The following BCAR3 variants were observed in gnomAD, a reference collection of about 807,000 sequenced individuals.
BCAR3 encodes the protein BCAR3 adaptor protein, NSP family member, also known as breast cancer anti-estrogen resistance protein 3.
In BCAR3, 37 loss-of-function variants were observed where a neutral mutation model predicts 80.1. That is an observed-to-expected ratio of 0.46 (90% CI 0.36 to 0.61). The LOEUF is 0.61. BCAR3 is among the 20% of genes least tolerant of loss of function. The pLI, the probability that BCAR3 is intolerant of heterozygous loss-of-function variation, is 0.00. For missense variants in BCAR3, 978 were observed against 1,068.2 expected (o/e 0.92, Z 1.18); for synonymous variants, 389 against 418.9 (o/e 0.93, Z 0.87).
At chr1:93,833,894 T>C (rs947168719) in intron 2 of BCAR3, among the ~76,000 whole-genome samples, 4 of 152,188 alleles carry the variant, frequency 2.6e-5, no homozygotes, top group Non-Finnish European at 5.9e-5. Flanking sequence ...AAGACAGGCA[T>C]AGGACATTAT....
rs1252038441 is a variant in BCAR3 at position 93,567,776 on chromosome 1, G to A, written c.2050C>T (p.Leu684=). Residue 684 remains leucine, a synonymous_variant, in exon 10 of 12, where the codon CTG becomes TTG. Coordinates refer to ENST00000260502, the MANE Select transcript of BCAR3 (RefSeq NM_003567.4). ...TQTAILYEKQ[L]KPFSKLLHEG... ...TGCAGGAGTTTGCTGAAGGGCTTCA[G>A]CTGTTTCTCATAGAGAATGGCAGTT... is the stretch of plus-strand genomic sequence containing the variant. 3.3e-5 allele frequency: 53 copies of A among 1,614,100 alleles called. No individual in the cohort carries two copies. Among genetic ancestry groups the A allele is most frequent in the Non-Finnish European group, 4.2e-5 (49 of 1,180,036 alleles).
At chr1:93,765,499 T>C (rs1466644988) in intron 2 of BCAR3, among the ~76,000 whole-genome samples, 1 of 152,142 alleles carries the variant, frequency 6.6e-6, no homozygotes, top group Non-Finnish European at 1.5e-5. Context: ...AAACTGGACA[T>C]AGTTAATGTA....
intron 2 of BCAR3, among the ~76,000 whole-genome samples, chr1:93,658,877 T>C (rs1046990782): frequency 3.3e-5 from 5 of 152,128 alleles, no homozygotes; most frequent in African/African-American, 9.7e-5. Context: ...GCTGAACCTC[T>C]CTGTTTACCA....
chr1:93,666,871 A>G (rs980444075), intron 2 of BCAR3, among the ~76,000 whole-genome samples: 3 of 152,130 alleles, frequency 2.0e-5, no homozygotes, highest in African/African-American at 7.2e-5. Context: ...CATGTGAGAA[A>G]CTTTCTCCCA....
intron 2 of BCAR3, among the ~76,000 whole-genome samples, chr1:93,720,616 A>AGTCTTAAACTCCTT (rs1650359630): frequency 6.6e-6 from 1 of 152,192 alleles, no homozygotes; most frequent in African/African-American, 2.4e-5. Context: ...CCTCCTCCAC[A>AGTCTTAAACTCCTT]GGCCAAGACT....
rs1168154478 is a variant in BCAR3 at position 93,592,780 on chromosome 1, T to C, written c.358-387A>G. ...TGACATAGCGTGGGGAGGGCAGCTGTTCCCTTCTGGCCTTAGATCCTGGGC... is the reference window on the plus strand; with the variant it reads ...TGACATAGCGTGGGGAGGGCAGCTGCTCCCTTCTGGCCTTAGATCCTGGGC... On this transcript the variant is annotated intron_variant, in intron 3 of 11. Transcript: ENST00000260502. The surrounding 1 kb of genome is among the most constrained non-coding windows in gnomAD (Gnocchi z 4.8). Among the ~76,000 whole-genome samples the C allele has an allele frequency of 1.3e-5, 2 of 152,178 alleles. No homozygotes were observed. The highest frequency in any genetic ancestry group is 1.3e-4 in the Admixed American group (2 of 15,282).
chr1:93,618,867 T>C (rs927192889), intron 3 of BCAR3, among the ~76,000 whole-genome samples: 1 of 151,982 alleles, frequency 6.6e-6, no homozygotes, highest in African/African-American at 2.4e-5. Flanking sequence ...TCCAATCCGC[T>C]TTACTATGTT....
intron 3 of BCAR3, among the ~76,000 whole-genome samples, chr1:93,623,066 C>G (rs1268901429): frequency 6.6e-6 from 1 of 152,124 alleles, no homozygotes. Context: ...ACATCCCCAC[C>G]CCCTGCCCAT....
At chr1:93,784,199 GAA>G (rs386367700) in intron 2 of BCAR3, among the ~76,000 whole-genome samples, 7 of 86,834 alleles carry the variant, frequency 8.1e-5, no homozygotes, top group Admixed American at 1.1e-4. Flanking sequence ...GATCTGTAAA[GAA>G]AAAAAAAAAA....
At chr1:93,638,028 T>C (rs974987454) in intron 3 of BCAR3, among the ~76,000 whole-genome samples, 5 of 152,094 alleles carry the variant, frequency 3.3e-5, no homozygotes, top group African/African-American at 1.2e-4. Flanking sequence ...GGTGAGTGGA[T>C]CACAAGGTCA....
intron 3 of BCAR3, among the ~76,000 whole-genome samples, chr1:93,631,376 A>G (rs1162551476): frequency 6.6e-6 from 1 of 152,166 alleles, no homozygotes; most frequent in Non-Finnish European, 1.5e-5. Flanking sequence ...ACTTCAACAT[A>G]TCGCTTTTGG....
rs1193051217 is a variant in BCAR3, at chr1:93,782,608, T to C, written c.-63+62959A>G. On this transcript the variant is annotated intron_variant, in intron 2 of 13. Coordinates refer to the BCAR3 transcript ENST00000370244. ...TTAGGAAATACAATCTGAGTGTTCA[T>C]AAGGACTGAGCAAACAGTGGAGGAT... Among the ~76,000 whole-genome samples, 4 of 152,106 alleles carry C rather than the reference T, an allele frequency of 2.6e-5. No individual in the cohort carries two copies. The South Asian group carries it at 6.2e-4, about 24-fold the overall frequency.
chr1:93,568,340 C>T (rs1462032099), intron 9 of BCAR3, among the ~76,000 whole-genome samples: 1 of 152,134 alleles, frequency 6.6e-6, no homozygotes, highest in Non-Finnish European at 1.5e-5. Flanking sequence ...GTTAGCGCAT[C>T]CCAGAGATGG....
intron 3 of BCAR3, among the ~76,000 whole-genome samples, chr1:93,632,540 T>C (rs570571439): frequency 2.0e-5 from 3 of 152,346 alleles, no homozygotes; most frequent in Non-Finnish European, 2.9e-5. Flanking sequence ...GTGTATTAAA[T>C]GCATTTTCAA....
chr1:93,612,523 A>C (rs1269235520), intron 3 of BCAR3, among the ~76,000 whole-genome samples: 1 of 152,006 alleles, frequency 6.6e-6, no homozygotes, highest in Non-Finnish European at 1.5e-5. Flanking sequence ...TCCCTCATAC[A>C]CCCAATGCTG....
At chr1:93,573,627 A>AT (rs1274372630) in intron 8 of BCAR3, among the ~76,000 whole-genome samples, 3 of 138,458 alleles carry the variant, frequency 2.2e-5, no homozygotes, top group African/African-American at 8.5e-5. Flanking sequence ...TATTATTATT[A>AT]TTATTATTTT....
At chr1:93,840,591 G>C (rs1003986958) in intron 2 of BCAR3, among the ~76,000 whole-genome samples, 1 of 152,154 alleles carries the variant, frequency 6.6e-6, no homozygotes, top group Non-Finnish European at 1.5e-5. Flanking sequence ...AAAAGGCAGA[G>C]ATGTCATTCT....
chr1:93,823,335 C>T lies in BCAR3; in HGVS notation c.-63+22232G>A, dbSNP rs1279673532. On this transcript the variant is annotated intron_variant, in intron 2 of 13. Transcript: ENST00000370244. ...TCTAAACCATTAAAGCAGGAAGTCC[C>T]ATGGTGACATTAGCATGTTATAAAA... Among the ~76,000 whole-genome samples, 3 of 133,244 alleles carry T rather than the reference C, an allele frequency of 2.3e-5. 1 individual carries two copies. Among genetic ancestry groups the T allele is most frequent in the Non-Finnish European group, 5.1e-5 (3 of 59,096 alleles). 87.4% of individuals were successfully genotyped at this position (133,244 alleles called of 152,430 possible).
chr1:93,806,222 A>G (rs1193787224), intron 2 of BCAR3, among the ~76,000 whole-genome samples: 2 of 152,236 alleles, frequency 1.3e-5, no homozygotes, highest in Non-Finnish European at 2.9e-5. Context: ...GGACAGATTA[A>G]TATGAGAAAA....
Sources: allele counts gnomAD v4.1 joint callset (sites outside exome capture counted in the v4.1 genomes callset), GRCh38; gene constraint gnomAD v4.1.1; non-coding constraint Gnocchi (gnomAD v3.1); transcripts MANE v1.5; gene names NCBI Gene and HGNC (gene_info 2026-07-23, HGNC 2026-07-21).